Variants in ENTREP2 observed in about 807,000 individuals in gnomAD.
ENTREP2 encodes the protein endosomal transmembrane epsin interactor 2, also known as protein ENTREP2.
chr15:29,438,098 C>T, the ENTREP2 span, among the ~76,000 whole-genome samples: 7 of 152,020 alleles, frequency 4.6e-5, no homozygotes, highest in South Asian at 2.1e-4. Context: ...ATCCTGCCTC[C>T]GGCCCTGGGC....
chr15:29,423,427 A>T, the ENTREP2 span, among the ~76,000 whole-genome samples: 1 of 152,270 alleles, frequency 6.6e-6, no homozygotes, highest in Non-Finnish European at 1.5e-5. Context: ...ATTCACCCAC[A>T]CCACCATACA....
At chr15:29,649,222 G>A in the ENTREP2 span, among the ~76,000 whole-genome samples, 1 of 152,114 alleles carries the variant, frequency 6.6e-6, no homozygotes, top group African/African-American at 2.4e-5. Flanking sequence ...GCTCTCAAAA[G>A]AGGCATACAA....
At chr15:29,365,680 C>T in the ENTREP2 span, among the ~76,000 whole-genome samples, 444 of 151,892 alleles carry the variant, frequency 2.9e-3, 2 homozygotes, top group African/African-American at 0.01. Context: ...AATACAGAGC[C>T]GCTTTTAGTA....
the ENTREP2 span, among the ~76,000 whole-genome samples, chr15:29,444,977 A>G: frequency 1.3e-5 from 2 of 152,218 alleles, no homozygotes; most frequent in Admixed American, 1.3e-4. Context: ...AGACTAAAAG[A>G]AACAGGGCTG....
chr15:29,539,276 G>A, the ENTREP2 span, among the ~76,000 whole-genome samples: 1,531 of 143,130 alleles, frequency 0.011, 25 homozygotes, highest in African/African-American at 0.037. Flanking sequence ...GACAGTGTTC[G>A]GGAACCAGGC....
chr15:29,577,349 T>TGTGA, the ENTREP2 span, among the ~76,000 whole-genome samples: 1,173 of 144,412 alleles, frequency 8.1e-3, 26 homozygotes, highest in African/African-American at 0.027. Context: ...TGTGTGTGTG[T>TGTGA]GAGAGAGAGA....
chr15:29,165,951 C>T, the ENTREP2 span, among the ~76,000 whole-genome samples: 1 of 152,180 alleles, frequency 6.6e-6, no homozygotes, highest in African/African-American at 2.4e-5. Flanking sequence ...AATCCAACAA[C>T]ATATCAAAAA....
the ENTREP2 span, among the ~76,000 whole-genome samples, chr15:29,594,595 T>TTTTTTGAA: frequency 6.6e-6 from 1 of 152,140 alleles, no homozygotes; most frequent in African/African-American, 2.4e-5. Flanking sequence ...CACTCATGAA[T>TTTTTTGAA]TTTTTGAATG....
At chr15:29,390,464 CAAG>C in the ENTREP2 span, among the ~76,000 whole-genome samples, 1 of 152,118 alleles carries the variant, frequency 6.6e-6, no homozygotes, top group African/African-American at 2.4e-5. Flanking sequence ...TGATATTGCT[CAAG>C]GAGAGGAGGC....
chr15:29,495,556 G>T, the ENTREP2 span, among the ~76,000 whole-genome samples: 4 of 152,028 alleles, frequency 2.6e-5, no homozygotes, highest in Non-Finnish European at 5.9e-5. Context: ...ATTTTAACTT[G>T]ATTTTTGTGT....
the ENTREP2 span, chr15:29,196,325 C>CG: frequency 1.6e-6 from 2 of 1,290,162 alleles, no homozygotes; most frequent in East Asian, 2.6e-5. Context: ...GAACCTACCC[C>CG]GGGAAGTTAA....
At chr15:29,238,627 T>G in the ENTREP2 span, among the ~76,000 whole-genome samples, 1 of 150,842 alleles carries the variant, frequency 6.6e-6, no homozygotes, top group Non-Finnish European at 1.5e-5. Context: ...AGAGTGAGAC[T>G]CCATCTCAGA....
the ENTREP2 span, among the ~76,000 whole-genome samples, chr15:29,203,363 C>T: frequency 6.6e-6 from 1 of 152,188 alleles, no homozygotes; most frequent in Non-Finnish European, 1.5e-5. Flanking sequence ...GATCGCGCCA[C>T]TGCACTCCAG....
At chr15:29,631,959 C>T in the ENTREP2 span, among the ~76,000 whole-genome samples, 1 of 152,138 alleles carries the variant, frequency 6.6e-6, no homozygotes, top group Non-Finnish European at 1.5e-5. Flanking sequence ...GACTTCACTG[C>T]AGTGCTGGAG....
the ENTREP2 span, among the ~76,000 whole-genome samples, chr15:29,194,155 G>C: frequency 6.6e-6 from 1 of 152,208 alleles, no homozygotes; most frequent in Non-Finnish European, 1.5e-5. Context: ...TGATAGCTAA[G>C]ACAATTCTGA....
chr15:29,314,250 C>T, the ENTREP2 span, among the ~76,000 whole-genome samples: 2 of 152,196 alleles, frequency 1.3e-5, no homozygotes, highest in Non-Finnish European at 2.9e-5. Context: ...AGAGGACTGA[C>T]TCAAATTTTG....
At chr15:29,377,011 T>G in the ENTREP2 span, 1 of 152,178 alleles carries the variant, frequency 6.6e-6, no homozygotes, top group African/African-American at 2.4e-5. Context: ...AGAGGGCAAC[T>G]GACTGTGTGG....
chr15:29,135,151 C>T, the ENTREP2 span, among the ~76,000 whole-genome samples: 2 of 151,622 alleles, frequency 1.3e-5, no homozygotes, highest in Non-Finnish European at 1.5e-5. The surrounding 1 kb of genome is among the most constrained non-coding windows in gnomAD (Gnocchi z 7.4). Flanking sequence ...GCAAGTCTCC[C>T]CTGCCCACGC....
chr15:29,587,138 C>CGTGTGTGTGTGTGTGT, the ENTREP2 span, among the ~76,000 whole-genome samples: 53 of 124,056 alleles, frequency 4.3e-4, no homozygotes, highest in Non-Finnish European at 6.9e-4. Flanking sequence ...TGTAGCTAAC[C>CGTGTGTGTGTGTGTGT]GTGTGTGTGT....
Sources: gnomAD v4.1 joint callset for allele counts (sites outside exome capture counted in the v4.1 genomes callset) on GRCh38, gnomAD v4.1.1 for gene constraint, Gnocchi (gnomAD v3.1) non-coding constraint, MANE v1.5 for transcripts, NCBI Gene and HGNC (gene_info 2026-07-23, HGNC 2026-07-21) for gene names.